AHCYL2: variants seen among roughly 807,000 people sequenced by gnomAD.
AHCYL2 encodes the protein S-adenosylhomocysteine hydrolase-like protein 2.
Under a neutral mutation model 81.4 loss-of-function variants are expected in AHCYL2, and 28 were observed. The ratio of observed to expected loss-of-function variants is 0.34; its 90% CI spans 0.25 to 0.47. The LOEUF is 0.47. Ranked by LOEUF, AHCYL2 falls within the 20% of genes least tolerant of loss-of-function variation. AHCYL2 has a pLI of 1.00. For synonymous variants in AHCYL2, 272 were observed against 290.2 expected, an observed-to-expected ratio of 0.94 and a Z score of 0.64; for missense variants, 551 against 785.1, an observed-to-expected ratio of 0.70 and a Z score of 3.56.
At chr7:129,354,178 A>G (rs1004280228) in intron 1 of AHCYL2, among the ~76,000 whole-genome samples, 7 of 152,168 alleles carry the variant, frequency 4.6e-5, no homozygotes, top group East Asian at 1.9e-4. Context: ...TCAGTCCCCA[A>G]GAAGGTGAGA....
intron 1 of AHCYL2, among the ~76,000 whole-genome samples, chr7:129,256,550 C>CCCA (rs1554470555): frequency 5.2e-5 from 1 of 19,282 alleles, no homozygotes; most frequent in African/African-American, 1.8e-4. Flanking sequence ...CCACCCCCCA[C>CCCA]CCCCCCCCCG....
chr7:129,289,107 T>G (rs962087125), intron 1 of AHCYL2, among the ~76,000 whole-genome samples: 3 of 151,914 alleles, frequency 2.0e-5, no homozygotes, highest in Non-Finnish European at 4.4e-5. Context: ...TTTACTTTTT[T>G]GAGTCAGGGT....
intron 1 of AHCYL2, among the ~76,000 whole-genome samples, chr7:129,234,486 G>A (rs780449224): frequency 3.3e-5 from 5 of 151,986 alleles, no homozygotes; most frequent in Admixed American, 6.6e-5. Context: ...CTTGTGATCT[G>A]CCCACTTTGG....
At chr7:129,369,497 TG>T (rs901748040) in intron 1 of AHCYL2, among the ~76,000 whole-genome samples, 1 of 152,010 alleles carries the variant, frequency 6.6e-6, no homozygotes, top group Non-Finnish European at 1.5e-5. Context: ...TTTATTGTTT[TG>T]GGGGAGGTTA....
At chr7:129,395,735 C>T (rs1795699108) in intron 4 of AHCYL2, among the ~76,000 whole-genome samples, 1 of 151,790 alleles carries the variant, frequency 6.6e-6, no homozygotes, top group African/African-American at 2.4e-5. Flanking sequence ...CCAATCAGCT[C>T]CCTGCCCCAG....
chr7:129,333,251 C>T (rs890466187), intron 1 of AHCYL2, among the ~76,000 whole-genome samples: 6 of 145,124 alleles, frequency 4.1e-5, no homozygotes, highest in African/African-American at 1.6e-4. Context: ...CAGAGGATTG[C>T]TTGAGGCCAG....
intron 1 of AHCYL2, among the ~76,000 whole-genome samples, chr7:129,287,190 T>C (rs1283605933): frequency 2.0e-5 from 3 of 152,156 alleles, no homozygotes; most frequent in African/African-American, 7.2e-5. Context: ...TGTACACTTA[T>C]AAAATAATAA....
At chr7:129,225,512 G>T in intron 1 of AHCYL2, 73 bp downstream of exon 1, 1 of 1,415,324 alleles carries the variant, frequency 7.1e-7, no homozygotes, top group South Asian at 1.5e-5. Context: ...CGGCACGGCG[G>T]CACCACCCTC....
chr7:129,254,709 C>T (rs1366952150), intron 1 of AHCYL2, among the ~76,000 whole-genome samples: 1 of 152,160 alleles, frequency 6.6e-6, no homozygotes, highest in African/African-American at 2.4e-5. Context: ...CTTAACCTGG[C>T]TAAAGCAGTG....
At chr7:129,349,097 T>C (rs1793461004) in intron 1 of AHCYL2, among the ~76,000 whole-genome samples, 1 of 152,230 alleles carries the variant, frequency 6.6e-6, no homozygotes, top group African/African-American at 2.4e-5. Flanking sequence ...TCTAGGCAAG[T>C]AATTTAAACT....
chr7:129,389,861 G>T lies in AHCYL2; in HGVS notation c.720+127G>T, dbSNP rs1795384138. ...GTATTAGCTTATTAATCCTTATAAT[G>T]GCCATATAAAGCAGGTATTCTTGTT... On this transcript the variant is annotated intron_variant, in intron 4 of 16. Coordinates refer to ENST00000325006, the MANE Select transcript of AHCYL2 (RefSeq NM_015328.4). 6.0e-6 allele frequency: 4 copies of T among 665,712 alleles called. No homozygotes were observed. The East Asian group carries it at 1.2e-4, about 20-fold the overall frequency. 41.2% of individuals were successfully genotyped at this position (665,712 alleles called of 1,614,324 possible).
At chr7:129,383,584 T>TTTAGGCC (rs1456325959) in intron 2 of AHCYL2, among the ~76,000 whole-genome samples, 4 of 152,186 alleles carry the variant, frequency 2.6e-5, no homozygotes, top group Non-Finnish European at 5.9e-5. Context: ...TGTCATATCA[T>TTTAGGCC]TTCACTGCCT....
intron 1 of AHCYL2, among the ~76,000 whole-genome samples, chr7:129,354,045 A>G (rs1321076340): frequency 6.6e-6 from 1 of 152,198 alleles, no homozygotes; most frequent in African/African-American, 2.4e-5. Context: ...CATGGCATGA[A>G]TAATTTCAGT....
rs549811952 is a variant in AHCYL2, at chr7:129,410,242, A to G, written c.1366+696A>G. On this transcript the variant is annotated intron_variant, in intron 11 of 16. Transcript: ENST00000325006. ...TGCTAAGCCCAATGGCTCCTTCTCCATCACTGCCTCCTACAACTTCCACAT... is the reference window on the plus strand; with the variant it reads ...TGCTAAGCCCAATGGCTCCTTCTCCGTCACTGCCTCCTACAACTTCCACAT... 2.5e-6 allele frequency: 4 copies of G among 1,613,890 alleles called. No homozygotes were observed. In the African/African-American group the frequency reaches 5.3e-5, roughly 22 times the overall value.
At chr7:129,247,896 T>C (rs951977317) in intron 1 of AHCYL2, among the ~76,000 whole-genome samples, 1 of 152,208 alleles carries the variant, frequency 6.6e-6, no homozygotes, top group African/African-American at 2.4e-5. Flanking sequence ...GCCACTGCAC[T>C]TAGCCTTAGA....
chr7:129,426,546 C>G lies in AHCYL2; in HGVS notation c.1812C>G (p.Phe604Leu), dbSNP rs1436809535. 1 of 1,613,966 alleles carries G rather than the reference C, an allele frequency of 6.2e-7. No individual in the cohort carries two copies. Among genetic ancestry groups the G allele is most frequent in the Non-Finnish European group, 8.5e-7 (1 of 1,179,924 alleles). The change falls in exon 16 of 17, where the codon TTC becomes TTG. Residue 604 changes from phenylalanine (F) to leucine (L), a missense_variant. Transcript: ENST00000325006. The surrounding 1 kb of genome is among the most constrained non-coding windows in gnomAD (Gnocchi z 4.3). Reference sequence around the variant, plus strand: ...TGGGACTCAACAAGAATGGGCCCTTCAAGCCTAATTACTACAGGTGCCTTG... The same window carrying G: ...TGGGACTCAACAAGAATGGGCCCTTGAAGCCTAATTACTACAGGTGCCTTG... ...KYLGLNKNGP[F>L]KPNYYRY is the part of the protein sequence containing the mutation.
intron 1 of AHCYL2, among the ~76,000 whole-genome samples, chr7:129,336,305 T>G (rs941223747): frequency 5.9e-5 from 9 of 151,964 alleles, no homozygotes; most frequent in Non-Finnish European, 1.3e-4. Flanking sequence ...TGACCTCGAG[T>G]GATCCACCTG....
intron 1 of AHCYL2, among the ~76,000 whole-genome samples, chr7:129,230,665 C>T (rs746553488): frequency 1.5e-4 from 22 of 150,482 alleles, no homozygotes; most frequent in East Asian, 7.9e-4. Flanking sequence ...TTCTGCCTCC[C>T]GGGTTCAAGT....
chr7:129,396,865 C>G (rs1329981423), intron 4 of AHCYL2, among the ~76,000 whole-genome samples: 1 of 152,190 alleles, frequency 6.6e-6, no homozygotes, highest in South Asian at 2.1e-4. Context: ...CCAGCTTTTT[C>G]CTGTCGTTAA....
Sources: allele counts gnomAD v4.1 joint callset (sites outside exome capture counted in the v4.1 genomes callset), GRCh38; gene constraint gnomAD v4.1.1; non-coding constraint Gnocchi (gnomAD v3.1); transcripts MANE v1.5; gene names NCBI Gene and HGNC (gene_info 2026-07-23, HGNC 2026-07-21).